Variants in FRAS1 observed in about 807,000 individuals in gnomAD.
FRAS1 encodes the protein Fraser extracellular matrix complex subunit 1, also known as extracellular matrix organizing protein FRAS1.
Under a neutral mutation model 435.2 loss-of-function variants are expected in FRAS1, and 290 were observed. That is an observed-to-expected ratio of 0.67 (90% CI 0.61 to 0.73). The LOEUF (loss-of-function observed/expected upper bound fraction) is 0.73. Among genes scored for constraint, FRAS1 ranks in the 30% least tolerant of loss-of-function variants. The pLI, the probability that FRAS1 is intolerant of heterozygous loss-of-function variation, is 0.00. For synonymous variants in FRAS1, 1,800 were observed against 1,851.0 expected, an observed-to-expected ratio of 0.97 and a Z score of 0.71; for missense variants, 4,860 against 5,001.5, an observed-to-expected ratio of 0.97 and a Z score of 0.85.
intron 2 of FRAS1, among the ~76,000 whole-genome samples, chr4:78,154,407 C>G (rs1015821710): frequency 6.6e-6 from 1 of 152,092 alleles, no homozygotes; most frequent in Non-Finnish European, 1.5e-5. Flanking sequence ...TTGTTTAAAA[C>G]CCATTTAAAA....
intron 2 of FRAS1, among the ~76,000 whole-genome samples, chr4:78,081,434 T>C (rs1481984143): frequency 2.0e-5 from 3 of 152,134 alleles, no homozygotes; most frequent in African/African-American, 7.2e-5. Flanking sequence ...GGTATAGATT[T>C]TGTAGCAAGA....
At chr4:78,521,773 A>T in intron 68 of FRAS1, 143 bp downstream of exon 68, 2 of 555,636 alleles carry the variant, frequency 3.6e-6, no homozygotes, top group South Asian at 4.5e-5. Flanking sequence ...ACATCCATCC[A>T]TACATATCTT....
intron 2 of FRAS1, among the ~76,000 whole-genome samples, chr4:78,089,824 TG>T (rs1741415162): frequency 6.6e-6 from 1 of 152,096 alleles, no homozygotes; most frequent in Non-Finnish European, 1.5e-5. Flanking sequence ...AATCGTGTCA[TG>T]GGAGTTTGTT....
In FRAS1 at chr4:78,507,606, A is replaced by G; in HGVS notation, c.9502A>G (p.Ile3168Val). Reference protein sequence around the residue: ...AGSLILPAPPIVVTLADYDHV... With the variant: ...AGSLILPAPPVVVTLADYDHV... Reference sequence around the variant, plus strand: ...GAGCCTCATATTGCCAGCACCACCCATTGTGAGTTGCTTGACCCAAAGGAT... The same window carrying G: ...GAGCCTCATATTGCCAGCACCACCCGTTGTGAGTTGCTTGACCCAAAGGAT... The change falls in exon 62 of 74, where the codon ATT (isoleucine) becomes GTT (valine). Residue 3168 changes from isoleucine (I) to valine (V), a missense_variant and splice_region_variant. Transcript: ENST00000512123. 1 of 1,584,806 alleles carries G rather than the reference A, an allele frequency of 6.3e-7. No homozygotes were observed. Among genetic ancestry groups the G allele is most frequent in the Admixed American group, 1.9e-5 (1 of 51,954 alleles).
chr4:78,101,755 A>G (rs1742144128), intron 2 of FRAS1, among the ~76,000 whole-genome samples: 1 of 152,226 alleles, frequency 6.6e-6, no homozygotes, highest in Non-Finnish European at 1.5e-5. Flanking sequence ...TATGTATAAG[A>G]TGGCAGAATG....
chr4:78,076,156 G>A (rs1578107565), intron 2 of FRAS1, among the ~76,000 whole-genome samples: 1 of 152,220 alleles, frequency 6.6e-6, no homozygotes, highest in South Asian at 2.1e-4. Context: ...TTTGGAGGGG[G>A]TGTGGGTGGC....
chr4:78,454,431 G>A (rs1298553000), intron 47 of FRAS1, among the ~76,000 whole-genome samples: 1 of 152,102 alleles, frequency 6.6e-6, no homozygotes, highest in African/African-American at 2.4e-5. Context: ...ATGGCAGGAG[G>A]GCATGCAGAG....
intron 35 of FRAS1, among the ~76,000 whole-genome samples, chr4:78,428,695 G>T (rs901245954): frequency 2.6e-5 from 4 of 152,094 alleles, no homozygotes; most frequent in Non-Finnish European, 5.9e-5. Flanking sequence ...TATTTATTTG[G>T]AATAATAAGG....
At chr4:78,500,459 C>T (rs1322422718) in intron 61 of FRAS1, among the ~76,000 whole-genome samples, 1 of 152,190 alleles carries the variant, frequency 6.6e-6, no homozygotes, top group African/African-American at 2.4e-5. Flanking sequence ...CTTCCACTAT[C>T]CCCCTTTCGG....
chr4:78,364,530 T>C (rs80068081), intron 22 of FRAS1, among the ~76,000 whole-genome samples: 2,465 of 152,298 alleles, frequency 0.016, 59 homozygotes, highest in African/African-American at 0.056. Flanking sequence ...GCTGGAAATA[T>C]TCCATTTCTG....
In FRAS1 at chr4:78,479,482, T is replaced by A. The variant is rs1219810182; in HGVS notation, c.8207T>A (p.Met2736Lys). The A allele has an allele frequency of 5.0e-6, 8 of 1,611,992 alleles. No individual in the cohort carries two copies. The highest frequency in any genetic ancestry group is 6.8e-6 in the Non-Finnish European group (8 of 1,178,456). Residue 2736 changes from methionine to lysine, a missense_variant, in exon 56 of 74, where the codon ATG becomes AAG. Coordinates refer to ENST00000512123, the MANE Select transcript of FRAS1 (RefSeq NM_025074.7). Reference protein sequence around the residue: ...ESGSDFKSRGMSAASRVIFGP... With the variant: ...ESGSDFKSRGKSAASRVIFGP... ...GGCTCTGATTTTAAATCTAGAGGGATGTCTGCCGCGAGTCGTGTGATATTC... is the reference window on the plus strand; with the variant it reads ...GGCTCTGATTTTAAATCTAGAGGGAAGTCTGCCGCGAGTCGTGTGATATTC...
At chr4:78,068,324 G>A (rs1740154159) in intron 2 of FRAS1, among the ~76,000 whole-genome samples, 1 of 152,174 alleles carries the variant, frequency 6.6e-6, no homozygotes, top group South Asian at 2.1e-4. Flanking sequence ...TCACTGAGAA[G>A]GTGACATTTG....
intron 2 of FRAS1, among the ~76,000 whole-genome samples, chr4:78,138,989 G>A (rs1720043998): frequency 6.6e-6 from 1 of 152,170 alleles, no homozygotes; most frequent in South Asian, 2.1e-4. Flanking sequence ...ACAAGCATGT[G>A]CAATGCAGAT....
At position 78,374,929 on chromosome 4, in the gene FRAS1, T is replaced by C. The variant is rs138803909; in HGVS notation, c.3151+678T>C. ...GATAAAATATCACAGACACTATGAA[T>C]CCTGTCTTACAAGTGAAAGAAAAAT... is the stretch of plus-strand genomic sequence containing the variant. On this transcript the variant is annotated intron_variant, in intron 25 of 73. Transcript: ENST00000512123. Among the ~76,000 whole-genome samples the C allele has an allele frequency of 1.8e-3, 270 of 152,296 alleles. 1 individual carries two copies. The highest frequency in any genetic ancestry group is 6.3e-3 in the African/African-American group (261 of 41,552).
intron 1 of FRAS1, among the ~76,000 whole-genome samples, chr4:78,065,371 T>C (rs180940906): frequency 1.5e-3 from 230 of 151,838 alleles, no homozygotes; most frequent in African/African-American, 5.0e-3. Flanking sequence ...AATACAACAT[T>C]TCAACATCCT....
At chr4:78,475,708 T>G in intron 54 of FRAS1, 102 bp downstream of exon 54, 1 of 1,111,418 alleles carries the variant, frequency 9.0e-7, no homozygotes, top group Admixed American at 2.4e-5. Flanking sequence ...TGCTTTTCAC[T>G]GGTGTCCTTC....
chr4:78,286,208 T>C (rs775691136), intron 13 of FRAS1, 197 bp from the exon 14 acceptor site: 1 of 703,738 alleles, frequency 1.4e-6, no homozygotes, highest in Non-Finnish European at 2.6e-6. Flanking sequence ...AATGAATTCA[T>C]ATACGTAAAG....
intron 14 of FRAS1, among the ~76,000 whole-genome samples, chr4:78,307,744 C>G (rs568036992): frequency 2.6e-5 from 4 of 152,218 alleles, no homozygotes; most frequent in Non-Finnish European, 5.9e-5. Flanking sequence ...CACTGACCTG[C>G]GCCCACTGTC....
chr4:78,073,103 G>A (rs1044639296), intron 2 of FRAS1, among the ~76,000 whole-genome samples: 16 of 152,138 alleles, frequency 1.1e-4, no homozygotes, highest in African/African-American at 3.6e-4. Flanking sequence ...ACCTTTAAGT[G>A]TCAGGTAGTG....
Sources: gnomAD v4.1 joint callset for allele counts (sites outside exome capture counted in the v4.1 genomes callset) on GRCh38, gnomAD v4.1.1 for gene constraint, MANE v1.5 for transcripts, NCBI Gene and HGNC (gene_info 2026-07-23, HGNC 2026-07-21) for gene names.